IL17RA: variants seen among roughly 807,000 people sequenced by gnomAD.
IL17RA encodes interleukin-17 receptor A.
A neutral mutation model predicts 50.4 loss-of-function variants in IL17RA; 34 were observed. The observed-to-expected ratio is 0.67, with a 90% CI of 0.51 to 0.90. IL17RA has a LOEUF of 0.90. Among genes scored for constraint, IL17RA ranks in the 40% least tolerant of loss-of-function variants. IL17RA has a pLI of 0.00. For synonymous variants in IL17RA, 585 were observed against 510.4 expected (o/e 1.15, Z -1.97); for missense variants, 1,276 against 1,169.8 (o/e 1.09, Z -1.32).
chr22:17,090,762 A>G (rs1316753659), intron 1 of IL17RA, among the ~76,000 whole-genome samples: 2 of 152,204 alleles, frequency 1.3e-5, no homozygotes, highest in African/African-American at 4.8e-5. Context: ...TTTATATAAC[A>G]ATTAAGTAAT....
rs549579991 is a variant in IL17RA at position 17,107,888 on chromosome 22, T to G, written c.1087+120T>G. 6.6e-5 allele frequency: 57 copies of G among 867,178 alleles called. No individual in the cohort carries two copies. In the East Asian group the frequency reaches 1.2e-3, roughly 18 times the overall value. 53.7% of individuals were successfully genotyped at this position (867,178 alleles called of 1,614,324 possible). A position where few individuals can be genotyped will look rare whatever the true frequency, so the allele number is the denominator to read the frequency against. On this transcript the variant is annotated intron_variant, in intron 12 of 12. Coordinates refer to ENST00000319363, the MANE Select transcript of IL17RA (RefSeq NM_014339.7). The stretch of plus-strand genomic sequence containing the variant: ...CCAAGTCCCTTCAGGAGACCCCACC[T>G]TAGAAACCCCCTTCCAGTACCCCAC...
intron 10 of IL17RA, 70 bp from the exon 11 acceptor site, chr22:17,105,783 C>T (rs1601347478): frequency 6.9e-7 from 1 of 1,458,376 alleles, no homozygotes; most frequent in East Asian, 2.3e-5. Context: ...GGCTGGGGAG[C>T]AGGGCTGGGG....
chr22:17,086,240 C>T (rs1168022093), intron 1 of IL17RA, among the ~76,000 whole-genome samples: 1 of 152,102 alleles, frequency 6.6e-6, no homozygotes, highest in Admixed American at 6.5e-5. Context: ...TCCACCTCCA[C>T]CTCCACCGCT....
At chr22:17,091,414 C>T (rs1281655514) in intron 1 of IL17RA, among the ~76,000 whole-genome samples, 2 of 152,322 alleles carry the variant, frequency 1.3e-5, no homozygotes, top group Middle Eastern at 3.4e-3. Context: ...CCGTAGCTTA[C>T]GCCTATAATC....
At chr22:17,089,224 C>G (rs1006830127) in intron 1 of IL17RA, among the ~76,000 whole-genome samples, 2 of 152,162 alleles carry the variant, frequency 1.3e-5, no homozygotes, top group African/African-American at 4.8e-5. Context: ...CACCTGGCCC[C>G]TTTTGTTATT....
intron 1 of IL17RA, among the ~76,000 whole-genome samples, chr22:17,085,676 C>T: frequency 6.6e-6 from 1 of 152,148 alleles, no homozygotes; most frequent in Admixed American, 6.5e-5. Context: ...CGTACCCCGG[C>T]GGGGCACGGT....
In IL17RA at chr22:17,109,511, C is replaced by T; in HGVS notation, c.2292C>T (p.Ala764=). The change falls in exon 13 of 13, where the codon GCC becomes GCT. Residue 764 remains alanine, a synonymous_variant. Coordinates refer to ENST00000319363, the MANE Select transcript of IL17RA (RefSeq NM_014339.7). ...SLFEQSLSCQ[A]QGGCSRPAMV... is the part of the protein sequence containing the mutation. Reference sequence around the variant, plus strand: ...TCGAGCAGAGTCTGAGCTGCCAGGCCCAGGGGGGCTGCAGTAGACCCGCCA... The same window carrying T: ...TCGAGCAGAGTCTGAGCTGCCAGGCTCAGGGGGGCTGCAGTAGACCCGCCA... 6.3e-7 allele frequency: 1 copy of T among 1,598,934 alleles called. No individual in the cohort carries two copies. The highest frequency in any genetic ancestry group is 1.3e-5 in the African/African-American group (1 of 74,760).
At chr22:17,107,308 C>T (rs1163312533) in intron 11 of IL17RA, among the ~76,000 whole-genome samples, 4 of 152,190 alleles carry the variant, frequency 2.6e-5, no homozygotes, top group Admixed American at 1.3e-4. Context: ...GGAGACAGGG[C>T]AGACCAGGAC....
chr22:17,107,081 C>T (rs1308368867), intron 11 of IL17RA, among the ~76,000 whole-genome samples: 2 of 152,188 alleles, frequency 1.3e-5, no homozygotes, highest in Non-Finnish European at 2.9e-5. Context: ...AGTTAACCCC[C>T]GCAGAGCAGT....
intron 7 of IL17RA, 51 bp downstream of exon 7, chr22:17,102,353 A>G: frequency 1.3e-6 from 2 of 1,590,882 alleles, no homozygotes; most frequent in Admixed American, 1.7e-5. Context: ...CCACCCCTCC[A>G]AGCCCTGAGT....
Position 17,109,215 on chromosome 22 carries a change from C to A in IL17RA, c.1996C>A (p.His666Asn), listed in dbSNP as rs1365505249. 1 of 1,502,384 alleles carries A rather than the reference C, an allele frequency of 6.7e-7. No individual in the cohort carries two copies. Among genetic ancestry groups the A allele is most frequent in the African/African-American group, 1.4e-5 (1 of 72,286 alleles). The allele number at this position is 1,502,384 out of a possible 1,614,324, so 93.1% of individuals were successfully genotyped here. Residue 666 changes from histidine to asparagine, a missense_variant, in exon 13 of 13, where the codon CAC (histidine) becomes AAC (asparagine). Coordinates refer to ENST00000319363, the MANE Select transcript of IL17RA (RefSeq NM_014339.7). ...GGGTCAGCCAGCGCCGCAGCCCCTC[C>A]ACACCCTGGTGCTCGCCGCAGAGGA... is the stretch of plus-strand genomic sequence containing the variant. ...PRGQPAPQPL[H>N]TLVLAAEEGA... is the part of the protein sequence containing the mutation.
At chr22:17,085,761 G>T (rs2061325237) in intron 1 of IL17RA, among the ~76,000 whole-genome samples, 1 of 152,156 alleles carries the variant, frequency 6.6e-6, no homozygotes, top group Non-Finnish European at 1.5e-5. Flanking sequence ...ACGGAGCCGG[G>T]CGAGCCCACG....
At chr22:17,098,715 A>C in intron 3 of IL17RA, 60 bp from the exon 4 acceptor site, 1 of 1,359,916 alleles carries the variant, frequency 7.4e-7, no homozygotes, top group Admixed American at 1.7e-5. Context: ...GAAGTGACAC[A>C]CCCAGCACTT....
At chr22:17,098,049 G>T (rs1447630071) in intron 3 of IL17RA, 106 bp downstream of exon 3, 2 of 1,380,622 alleles carry the variant, frequency 1.4e-6, no homozygotes, top group Non-Finnish European at 2.0e-6. Flanking sequence ...AGACATGGGG[G>T]TTCAAATTTA....
intron 1 of IL17RA, 198 bp downstream of exon 1, chr22:17,085,427 T>G: frequency 7.3e-6 from 4 of 547,240 alleles, no homozygotes; most frequent in Non-Finnish European, 9.3e-6. Flanking sequence ...GGAGTTGCGG[T>G]GTGGAATACG....
intron 1 of IL17RA, 37 bp from the exon 2 acceptor site, chr22:17,097,025 T>C: frequency 6.2e-7 from 1 of 1,606,308 alleles, no homozygotes; most frequent in Non-Finnish European, 8.5e-7. Context: ...ATTCAAGCCT[T>C]TTCCCAGCTG....
intron 1 of IL17RA, among the ~76,000 whole-genome samples, chr22:17,096,351 T>C (rs541882882): frequency 6.6e-6 from 1 of 152,244 alleles, no homozygotes; most frequent in South Asian, 2.1e-4. Context: ...CCTGGCATAC[T>C]TTACCTAGCG....
At chr22:17,093,459 T>G (rs542450964) in intron 1 of IL17RA, among the ~76,000 whole-genome samples, 1 of 152,212 alleles carries the variant, frequency 6.6e-6, no homozygotes, top group Non-Finnish European at 1.5e-5. Context: ...GCCCCTGGCC[T>G]CCTTATCAAT....
intron 8 of IL17RA, 103 bp downstream of exon 8, chr22:17,103,680 G>T (rs1490070748): frequency 2.2e-6 from 2 of 910,084 alleles, no homozygotes; most frequent in Admixed American, 4.0e-5. Flanking sequence ...GTGTGGACGG[G>T]AGTGGGGAGT....
Sources: gnomAD v4.1 joint callset for allele counts (sites outside exome capture counted in the v4.1 genomes callset) on GRCh38, gnomAD v4.1.1 for gene constraint, MANE v1.5 for transcripts, NCBI Gene and HGNC (gene_info 2026-07-23, HGNC 2026-07-21) for gene names.